Variants in DNAH8 observed in about 807,000 individuals in gnomAD.
DNAH8 encodes the protein axonemal beta dynein heavy chain 8.
In DNAH8, 382 loss-of-function variants were observed where a neutral mutation model predicts 562.1. That is an observed-to-expected ratio of 0.68 (90% CI 0.63 to 0.74). DNAH8 has a LOEUF of 0.74. DNAH8 is among the 30% of genes least tolerant of loss of function. DNAH8 has a pLI of 0.00. For synonymous variants in DNAH8, 1,881 were observed against 1,919.4 expected, an observed-to-expected ratio of 0.98 and a Z score of 0.52; for missense variants, 5,203 against 5,620.4, an observed-to-expected ratio of 0.93 and a Z score of 2.37.
intron 11 of DNAH8, among the ~76,000 whole-genome samples, chr6:38,766,482 A>G (rs1255851040): frequency 6.6e-6 from 1 of 152,048 alleles, no homozygotes; most frequent in Admixed American, 6.6e-5. Flanking sequence ...ATAGTACACA[A>G]TACTGTTTTG....
chr6:38,836,455 A>T (rs993791232), intron 32 of DNAH8, among the ~76,000 whole-genome samples: 5 of 151,836 alleles, frequency 3.3e-5, no homozygotes, highest in Non-Finnish European at 2.9e-5. Flanking sequence ...TCAAAAAAAA[A>T]AACAAAACAA....
At chr6:38,942,892 G>C (rs1161036166) in intron 79 of DNAH8, among the ~76,000 whole-genome samples, 1 of 152,216 alleles carries the variant, frequency 6.6e-6, no homozygotes, top group Non-Finnish European at 1.5e-5. Context: ...TGGGTTATTT[G>C]AAAGAGGGTG....
rs529639430 is a variant in DNAH8, at chr6:38,974,295, T to C, written c.12679-79T>C. ...CCCAAGCATTTCAGATAAAGGATAT[T>C]CAGCCTAATATTGTAATTTCTATTT... On this transcript the variant is annotated intron_variant, in intron 84 of 92. Coordinates refer to ENST00000327475, the MANE Select transcript of DNAH8 (RefSeq NM_001206927.2). The C allele has an allele frequency of 2.0e-4, 228 of 1,138,776 alleles. 1 individual carries two copies. In the African/African-American group the frequency reaches 2.6e-3, roughly 13 times the overall value. 70.5% of individuals were successfully genotyped at this position (1,138,776 alleles called of 1,614,324 possible). A position where few individuals can be genotyped will look rare whatever the true frequency, so the allele number is the denominator to read the frequency against.
intron 26 of DNAH8, among the ~76,000 whole-genome samples, chr6:38,819,887 G>A (rs1212043205): frequency 6.6e-6 from 1 of 151,690 alleles, no homozygotes; most frequent in Non-Finnish European, 1.5e-5. Context: ...CAAACCATAA[G>A]GTATTTAACA....
intron 31 of DNAH8, among the ~76,000 whole-genome samples, chr6:38,833,555 T>C (rs1774026419): frequency 6.6e-6 from 1 of 152,182 alleles, no homozygotes; most frequent in African/African-American, 2.4e-5. Context: ...CTATTTCTTA[T>C]AAATGCCTAT....
chr6:38,860,608 T>G lies in DNAH8; in HGVS notation c.6110T>G (p.Val2037Gly), dbSNP rs751652764. The change falls in exon 43 of 93, where the codon GTT becomes GGT. Residue 2037 changes from valine to glycine, a missense_variant. Physicochemically the swap from Val to Gly is moderately radical, Grantham distance 109 (BLOSUM62 -3). Transcript: ENST00000327475. ...TTTCTGGGATGTACTGATCGTCTTG[T>G]TATCACTCCATTAACAGATAGGTAG... ...NEFLGCTDRL[V>G]ITPLTDRCYI... 1.3e-6 allele frequency: 2 copies of G among 1,545,784 alleles called. No homozygotes were observed. The highest frequency in any genetic ancestry group is 4.8e-5 in the East Asian group (2 of 41,384).
At chr6:38,879,054 A>G (rs187407896) in intron 53 of DNAH8, among the ~76,000 whole-genome samples, 6 of 152,270 alleles carry the variant, frequency 3.9e-5, no homozygotes, top group Admixed American at 3.9e-4. Context: ...GATATCCTAA[A>G]TAGCCCTATA....
At chr6:38,798,003 G>C (rs1398235598) in intron 21 of DNAH8, among the ~76,000 whole-genome samples, 2 of 152,048 alleles carry the variant, frequency 1.3e-5, no homozygotes, top group African/African-American at 4.8e-5. Context: ...GCTTGAACCT[G>C]GGAGGCGGAG....
chr6:38,889,735 G>A (rs540836425), intron 57 of DNAH8, among the ~76,000 whole-genome samples: 2 of 152,250 alleles, frequency 1.3e-5, no homozygotes, highest in African/African-American at 4.8e-5. Flanking sequence ...AGGATTTCAG[G>A]AAGCAAACGG....
At position 38,863,979 on chromosome 6, in the gene DNAH8, A is replaced by G. The variant is rs148402362; in HGVS notation, c.6417A>G (p.Arg2139=). The change falls in exon 45 of 93, where the codon AGA becomes AGG. Residue 2139 remains arginine (R), a synonymous_variant. Transcript: ENST00000327475. The part of the protein sequence containing the change: ...AQQIYIVLTA[R]KERKKQFIFS... ...AAATTTATATTGTTTTGACAGCAAG[A>G]AAAGAAAGAAAGAAACAGTTCATTT... 9 of 1,611,958 alleles carry G rather than the reference A, an allele frequency of 5.6e-6. No homozygotes were observed. Among genetic ancestry groups the G allele is most frequent in the Admixed American group, 1.7e-5 (1 of 59,510 alleles).
intron 68 of DNAH8, among the ~76,000 whole-genome samples, chr6:38,916,663 C>T (rs912695441): frequency 6.6e-6 from 1 of 152,176 alleles, no homozygotes; most frequent in Non-Finnish European, 1.5e-5. Flanking sequence ...GATCACCGAA[C>T]CGAAGGAGTC....
chr6:38,845,713 G>A lies in DNAH8; in HGVS notation c.4985G>A (p.Gly1662Glu), dbSNP rs1775242764. 6.2e-7 allele frequency: 1 copy of A among 1,613,838 alleles called. No homozygotes were observed. Among genetic ancestry groups the A allele is most frequent in the South Asian group, 1.1e-5 (1 of 91,076 alleles). The change falls in exon 36 of 93, where the codon GGA becomes GAA. Residue 1662 changes from glycine to glutamate, a missense_variant. By Grantham distance (98) the Gly-to-Glu change is moderately conservative. Transcript: ENST00000327475. ...GELLLKGTES[G>E]EIITLMEDSL... ...CTCCTGCTCAAAGGAACCGAATCGG[G>A]AGAAATTATCACTTTGATGGAGGAT...
chr6:38,789,935 T>A, intron 19 of DNAH8, 52 bp downstream of exon 19: 2 of 1,393,174 alleles, frequency 1.4e-6, no homozygotes, highest in Non-Finnish European at 2.0e-6. Context: ...AAAATTAGAT[T>A]TCGGTTCTAT....
chr6:38,891,379 A>T (rs924410164), intron 58 of DNAH8, among the ~76,000 whole-genome samples: 4 of 152,236 alleles, frequency 2.6e-5, no homozygotes, highest in Non-Finnish European at 5.9e-5. Flanking sequence ...GATATATTTG[A>T]CAAAAAGCCA....
chr6:39,009,712 A>G (rs1016430025), intron 89 of DNAH8, among the ~76,000 whole-genome samples: 2 of 152,212 alleles, frequency 1.3e-5, no homozygotes, highest in African/African-American at 4.8e-5. Flanking sequence ...TGACTCTAGA[A>G]CCTGCAGTCT....
chr6:38,998,957 C>T (rs1765313532), intron 88 of DNAH8, among the ~76,000 whole-genome samples: 2 of 152,156 alleles, frequency 1.3e-5, no homozygotes, highest in Non-Finnish European at 2.9e-5. Context: ...AGGCTTCTGC[C>T]TTTCATATCT....
In DNAH8 at chr6:38,989,939, C is replaced by G. The variant is rs1764665932; in HGVS notation, c.13054-73C>G. 3 of 798,320 alleles carry G rather than the reference C, an allele frequency of 3.8e-6. No homozygotes were observed. In the African/African-American group the frequency reaches 5.2e-5, roughly 14 times the overall value. The allele number at this position is 798,320 out of a possible 1,614,324, so 49.5% of individuals were successfully genotyped here. On this transcript the variant is annotated intron_variant, in intron 87 of 92. Coordinates refer to ENST00000327475, the MANE Select transcript of DNAH8 (RefSeq NM_001206927.2). Reference sequence around the variant, plus strand: ...CTGTTAAAATGGAAATAAGGTGGCCCCTCTCCTTTCTTGTAGCAGTTTTCA... The same window carrying G: ...CTGTTAAAATGGAAATAAGGTGGCCGCTCTCCTTTCTTGTAGCAGTTTTCA...
intron 30 of DNAH8, among the ~76,000 whole-genome samples, chr6:38,829,206 G>GT (rs1773623278): frequency 1.3e-5 from 2 of 152,036 alleles, no homozygotes; most frequent in African/African-American, 4.8e-5. Context: ...CTTTTGAGTT[G>GT]TAAGAATTCT....
At chr6:38,980,302 T>A (rs1005691437) in intron 85 of DNAH8, among the ~76,000 whole-genome samples, 2 of 152,206 alleles carry the variant, frequency 1.3e-5, no homozygotes, top group Admixed American at 1.3e-4. Flanking sequence ...TATATCAATA[T>A]GAAACATCTT....
Sources: allele counts gnomAD v4.1 joint callset (sites outside exome capture counted in the v4.1 genomes callset), GRCh38; gene constraint gnomAD v4.1.1; transcripts MANE v1.5; gene names NCBI Gene and HGNC (gene_info 2026-07-23, HGNC 2026-07-21).